TASP1: variants seen among roughly 807,000 people sequenced by gnomAD.
TASP1 encodes taspase 1.
TASP1 carries 16 observed loss-of-function variants against 56.6 expected under a neutral mutation model. That is an observed-to-expected ratio of 0.28 (90% confidence interval 0.19 to 0.43). The LOEUF is 0.43. Among genes scored for constraint, TASP1 ranks in the 20% least tolerant of loss-of-function variants. The pLI, the probability that TASP1 is intolerant of heterozygous loss-of-function variation, is 1.00. For synonymous variants in TASP1, 179 were observed against 184.2 expected (o/e 0.97, Z 0.23); for missense variants, 393 against 511.6 (o/e 0.77, Z 2.24).
the TASP1 span, among the ~76,000 whole-genome samples, chr20:13,261,607 G>C: frequency 2.0e-5 from 3 of 152,118 alleles, no homozygotes; most frequent in African/African-American, 7.2e-5. Context: ...CCCAGACCCA[G>C]ACCTTGAAAC....
chr20:13,239,972 G>C, the TASP1 span, among the ~76,000 whole-genome samples: 1 of 152,154 alleles, frequency 6.6e-6, no homozygotes, highest in Non-Finnish European at 1.5e-5. Flanking sequence ...TAAAGTGCTG[G>C]GATCCTGCTA....
At chr20:13,311,125 C>T in the TASP1 span, among the ~76,000 whole-genome samples, 1 of 151,984 alleles carries the variant, frequency 6.6e-6, no homozygotes, top group Admixed American at 6.6e-5. Flanking sequence ...ACCCGGGAAG[C>T]GGAGGTTGCA....
the TASP1 span, among the ~76,000 whole-genome samples, chr20:13,260,839 C>T: frequency 5.3e-5 from 8 of 152,270 alleles, no homozygotes; most frequent in South Asian, 1.7e-3. Flanking sequence ...TATTATTTCT[C>T]ATGACTCTCT....
chr20:13,288,999 G>GC, the TASP1 span, among the ~76,000 whole-genome samples: 27 of 152,194 alleles, frequency 1.8e-4, no homozygotes, highest in Middle Eastern at 6.8e-3. Flanking sequence ...TGTTGGCCAG[G>GC]TTGGTCTCAA....
chr20:13,247,517 G>GGTGTGTGTGTGTGTCTGTGTGTGT, the TASP1 span, among the ~76,000 whole-genome samples: 59 of 139,912 alleles, frequency 4.2e-4, no homozygotes, highest in African/African-American at 1.5e-3. Flanking sequence ...CAAAGTGAGG[G>GGTGTGTGTGTGTGTCTGTGTGTGT]GTGTGTGTGT....
At chr20:13,427,714 C>A (rs140270061) in intron 12 of TASP1, among the ~76,000 whole-genome samples, 1 of 151,988 alleles carries the variant, frequency 6.6e-6, no homozygotes, top group Non-Finnish European at 1.5e-5. Flanking sequence ...GGTGGCAGGT[C>A]CACAGGTGTT....
At chr20:13,336,079 GA>G in the TASP1 span, among the ~76,000 whole-genome samples, 1 of 151,910 alleles carries the variant, frequency 6.6e-6, no homozygotes, top group Admixed American at 6.6e-5. Flanking sequence ...TTCCAGGAAG[GA>G]AAAAAACACA....
At chr20:13,415,647 G>A (rs1651123880) in intron 13 of TASP1, among the ~76,000 whole-genome samples, 2 of 151,944 alleles carry the variant, frequency 1.3e-5, no homozygotes, top group African/African-American at 4.8e-5. Flanking sequence ...CAGATGTCAA[G>A]CAATATAACT....
intron 11 of TASP1, among the ~76,000 whole-genome samples, chr20:13,462,156 T>G (rs2044077629): frequency 6.6e-6 from 1 of 152,102 alleles, no homozygotes; most frequent in African/African-American, 2.4e-5. Context: ...AGAGAGGTTT[T>G]TAAAGAGTGA....
chr20:13,563,497 G>A (rs866064983), intron 7 of TASP1, among the ~76,000 whole-genome samples: 13 of 152,174 alleles, frequency 8.5e-5, no homozygotes, highest in Middle Eastern at 3.4e-3. Flanking sequence ...TATGAACGTT[G>A]ATGCAAAATT....
the TASP1 span, among the ~76,000 whole-genome samples, chr20:13,109,779 TG>T: frequency 8.5e-5 from 13 of 152,192 alleles, no homozygotes; most frequent in Admixed American, 7.9e-4. Flanking sequence ...CATTTCAGCC[TG>T]CAACAAAGCT....
the TASP1 span, among the ~76,000 whole-genome samples, chr20:13,334,978 A>G: frequency 1.3e-5 from 2 of 152,252 alleles, no homozygotes; most frequent in Non-Finnish European, 2.9e-5. Flanking sequence ...CAGACAAGCA[A>G]GAACAGAGCA....
chr20:13,499,008 T>C (rs2043843594), intron 10 of TASP1, among the ~76,000 whole-genome samples: 1 of 152,084 alleles, frequency 6.6e-6, no homozygotes, highest in Non-Finnish European at 1.5e-5. Flanking sequence ...AAAAGGCACA[T>C]GCACTCATAT....
chr20:13,448,847 C>CA (rs942452406), intron 11 of TASP1, among the ~76,000 whole-genome samples: 7 of 151,666 alleles, frequency 4.6e-5, no homozygotes, highest in African/African-American at 1.5e-4. Flanking sequence ...AGCCTACTCC[C>CA]AAAAAACAGG....
chr20:13,358,285 C>T, the TASP1 span, among the ~76,000 whole-genome samples: 18 of 152,338 alleles, frequency 1.2e-4, no homozygotes, highest in African/African-American at 4.3e-4. Context: ...AGCCATGTTG[C>T]TCACACAAAG....
At chr20:13,522,458 G>T (rs995470949) in intron 10 of TASP1, among the ~76,000 whole-genome samples, 6 of 152,130 alleles carry the variant, frequency 3.9e-5, no homozygotes, top group Non-Finnish European at 8.8e-5. Flanking sequence ...AACAAAGTTT[G>T]TTGGTGAATT....
At chr20:13,239,587 C>G in the TASP1 span, 3 of 152,170 alleles carry the variant, frequency 2.0e-5, no homozygotes, top group South Asian at 6.2e-4. Flanking sequence ...GACAGGTACT[C>G]ACATACACAA....
chr20:13,429,199 G>T (rs940581243), intron 12 of TASP1, among the ~76,000 whole-genome samples: 5 of 152,334 alleles, frequency 3.3e-5, no homozygotes, highest in Admixed American at 2.0e-4. Flanking sequence ...AATGTCAACT[G>T]CATGGTGCTA....
intron 11 of TASP1, among the ~76,000 whole-genome samples, chr20:13,456,766 C>A (rs2043855568): frequency 6.6e-6 from 1 of 151,446 alleles, no homozygotes; most frequent in South Asian, 2.1e-4. Flanking sequence ...CACATGACAG[C>A]CAAACTTAAG....
Sources: gnomAD v4.1 joint callset for allele counts (sites outside exome capture counted in the v4.1 genomes callset) on GRCh38, gnomAD v4.1.1 for gene constraint, MANE v1.5 for transcripts, NCBI Gene and HGNC (gene_info 2026-07-23, HGNC 2026-07-21) for gene names.